Variants in CDS2 observed in about 807,000 individuals in gnomAD.
CDS2 encodes the protein phosphatidate cytidylyltransferase 2.
CDS2 carries 47 observed loss-of-function variants against 59.0 expected under a neutral mutation model. The ratio of observed to expected loss-of-function variants is 0.80; its 90% confidence interval spans 0.63 to 1.02. The LOEUF (loss-of-function observed/expected upper bound fraction) is 1.02. CDS2 is among the 50% of genes least tolerant of loss of function. The pLI is 0.00. For synonymous variants in CDS2, 207 were observed against 206.4 expected, an observed-to-expected ratio of 1.00 and a Z score of -0.02; for missense variants, 356 against 558.9, an observed-to-expected ratio of 0.64 and a Z score of 3.66.
At chr20:5,132,389 C>A (rs112218735) in intron 1 of CDS2, among the ~76,000 whole-genome samples, 1 of 152,188 alleles carries the variant, frequency 6.6e-6, no homozygotes, top group African/African-American at 2.4e-5. Flanking sequence ...TGAGCCACCG[C>A]GCCCGGCCTC....
rs1188513988 is a variant in CDS2, at chr20:5,195,036, A to G, written c.*4802A>G. The G allele has an allele frequency of 6.6e-6, 1 of 152,192 alleles. No homozygotes were observed. Among genetic ancestry groups the G allele is most frequent in the Non-Finnish European group, 1.5e-5 (1 of 68,044 alleles). 9.4% of individuals were successfully genotyped at this position (152,192 alleles called of 1,614,324 possible). The stretch of plus-strand genomic sequence containing the variant: ...GTGGTTAAGACAGACTTTGGGATCA[A>G]ATCACCCTAGGTGCGGGCAGGTTTC... On this transcript the variant is annotated 3_prime_UTR_variant, in exon 13 of 13. Coordinates refer to ENST00000460006, the MANE Select transcript of CDS2 (RefSeq NM_003818.4).
intron 1 of CDS2, among the ~76,000 whole-genome samples, chr20:5,168,153 G>A (rs1321326359): frequency 2.0e-5 from 3 of 152,036 alleles, no homozygotes; most frequent in Admixed American, 1.3e-4. Flanking sequence ...GGTAGCTCAC[G>A]CCTGTATTCC....
chr20:5,192,520 T>C lies in CDS2; in HGVS notation c.*2286T>C, dbSNP rs1212888764. 6.6e-6 allele frequency: 1 copy of C among 152,322 alleles called. No homozygotes were observed. The highest frequency in any genetic ancestry group is 1.5e-5 in the Non-Finnish European group (1 of 68,128). 9.4% of individuals were successfully genotyped at this position (152,322 alleles called of 1,614,324 possible). A position where few individuals can be genotyped will look rare whatever the true frequency, so the allele number is the denominator to read the frequency against. On this transcript the variant is annotated 3_prime_UTR_variant, in exon 13 of 13. Coordinates refer to ENST00000460006, the MANE Select transcript of CDS2 (RefSeq NM_003818.4). ...AGAGCACTGCCACCTTGTGTCCATA[T>C]AGCACAATGTTTCTCTTTCCTATTC...
intron 1 of CDS2, among the ~76,000 whole-genome samples, chr20:5,144,760 T>C (rs76838340): frequency 6.6e-6 from 1 of 152,218 alleles, no homozygotes; most frequent in East Asian, 1.9e-4. Flanking sequence ...TCTGTGAAGT[T>C]TGTGTATTAA....
Position 5,127,040 on chromosome 20 carries a change from G to C in CDS2, c.-53G>C, listed in dbSNP as rs1056851262. The C allele has an allele frequency of 1.4e-6, 2 of 1,472,442 alleles. No homozygotes were observed. Among genetic ancestry groups the C allele is most frequent in the South Asian group, 1.3e-5 (1 of 77,214 alleles). The allele number at this position is 1,472,442 out of a possible 1,614,324, so 91.2% of individuals were successfully genotyped here. A position where few individuals can be genotyped will look rare whatever the true frequency, so the allele number is the denominator to read the frequency against. ...CGCGCGTGCCCGCGCCGAGCTGCCTGCTCCGGCGGCTTCGCTGCTAGCTCG... is the reference window on the plus strand; with the variant it reads ...CGCGCGTGCCCGCGCCGAGCTGCCTCCTCCGGCGGCTTCGCTGCTAGCTCG... On this transcript the variant is annotated 5_prime_UTR_variant, in exon 1 of 13. Coordinates refer to ENST00000460006, the MANE Select transcript of CDS2 (RefSeq NM_003818.4).
chr20:5,138,538 T>C (rs2090666668), intron 1 of CDS2, among the ~76,000 whole-genome samples: 1 of 151,868 alleles, frequency 6.6e-6, no homozygotes, highest in Admixed American at 6.6e-5. Context: ...CAGGCTGGAG[T>C]GCAATGGCGC....
At chr20:5,141,914 A>C (rs2090697525) in intron 1 of CDS2, among the ~76,000 whole-genome samples, 1 of 152,220 alleles carries the variant, frequency 6.6e-6, no homozygotes, top group Non-Finnish European at 1.5e-5. Context: ...ACAGAGGGAA[A>C]AAAAACGAGT....
At chr20:5,137,184 C>G (rs1235135773) in intron 1 of CDS2, among the ~76,000 whole-genome samples, 1 of 151,300 alleles carries the variant, frequency 6.6e-6, no homozygotes, top group Admixed American at 6.6e-5. Flanking sequence ...TGTCATGGAT[C>G]TTGATTCTTG....
chr20:5,152,527 A>C (rs1488921342), intron 1 of CDS2, among the ~76,000 whole-genome samples: 1 of 152,148 alleles, frequency 6.6e-6, no homozygotes, highest in Non-Finnish European at 1.5e-5. Context: ...GGATCACTTG[A>C]GATCAGGAGT....
At chr20:5,153,971 G>A (rs2090812744) in intron 1 of CDS2, among the ~76,000 whole-genome samples, 3 of 152,160 alleles carry the variant, frequency 2.0e-5, no homozygotes, top group Admixed American at 2.0e-4. Flanking sequence ...ATGCAGGTAT[G>A]ACAAATGATG....
chr20:5,171,555 C>T (rs1318512035), intron 1 of CDS2, among the ~76,000 whole-genome samples: 5 of 152,082 alleles, frequency 3.3e-5, no homozygotes, highest in South Asian at 2.1e-4. Context: ...TGGTGGTTGC[C>T]GATGGTGTGT....
rs188900442 is a variant in CDS2, at chr20:5,160,787, A to G, written c.58-12736A>G. 7.9e-5 allele frequency among the ~76,000 whole-genome samples: 12 copies of G among 152,186 alleles called. No homozygotes were observed. In the East Asian group the frequency reaches 2.1e-3, roughly 27 times the overall value. On this transcript the variant is annotated intron_variant, in intron 1 of 12. Transcript: ENST00000460006. ...CGAATTTGACTACTCTAGGTACCTC[A>G]TGTAAGTGGAATCATATATTTGTCC... is the stretch of plus-strand genomic sequence containing the variant.
chr20:5,134,650 A>C (rs918430227), intron 1 of CDS2, among the ~76,000 whole-genome samples: 5 of 151,900 alleles, frequency 3.3e-5, no homozygotes, highest in Admixed American at 3.3e-4. Context: ...CCTCCCGAGT[A>C]GCTGGGATTA....
rs140235501 is a variant in CDS2, at chr20:5,179,043, A to G, written c.529+87A>G. The G allele has an allele frequency of 6.3e-5, 84 of 1,338,850 alleles. No individual in the cohort carries two copies. The African/African-American group carries it at 1.1e-3, about 18-fold the overall frequency. The allele number at this position is 1,338,850 out of a possible 1,614,324, so 82.9% of individuals were successfully genotyped here. On this transcript the variant is annotated intron_variant, in intron 5 of 12. Coordinates refer to ENST00000460006, the MANE Select transcript of CDS2 (RefSeq NM_003818.4). ...GGAATTGGGGAATTTCTTGGTTAGT[A>G]TACAGTTTTGTGACATTAACTGTGA...
intron 1 of CDS2, among the ~76,000 whole-genome samples, chr20:5,130,566 CAG>C (rs2090596615): frequency 6.9e-6 from 1 of 144,850 alleles, no homozygotes; most frequent in African/African-American, 2.6e-5. Flanking sequence ...CACCTGAGGT[CAG>C]GAGTTCGAGA....
intron 1 of CDS2, among the ~76,000 whole-genome samples, chr20:5,139,309 C>T (rs2122964782): frequency 6.6e-6 from 1 of 152,236 alleles, no homozygotes; most frequent in East Asian, 1.9e-4. Flanking sequence ...TGTAAGTGAG[C>T]CGAGATCATG....
At chr20:5,188,248 A>G (rs560939475) in intron 10 of CDS2, among the ~76,000 whole-genome samples, 5 of 152,322 alleles carry the variant, frequency 3.3e-5, no homozygotes, top group Middle Eastern at 6.8e-3. Flanking sequence ...AGATAGACCA[A>G]TGGATTTTAA....
intron 1 of CDS2, among the ~76,000 whole-genome samples, chr20:5,134,353 G>A (rs2090631480): frequency 6.6e-6 from 1 of 152,146 alleles, no homozygotes; most frequent in African/African-American, 2.4e-5. Flanking sequence ...GTCTGCTATG[G>A]ACGGTGTCTG....
intron 8 of CDS2, among the ~76,000 whole-genome samples, 195 bp downstream of exon 8, chr20:5,185,140 G>C (rs1037100667): frequency 2.0e-5 from 3 of 152,112 alleles, no homozygotes; most frequent in Admixed American, 2.0e-4. Flanking sequence ...AAGAAAATAG[G>C]CTGGGCGTGG....
Sources: gnomAD v4.1 joint callset for allele counts (sites outside exome capture counted in the v4.1 genomes callset) on GRCh38, gnomAD v4.1.1 for gene constraint, MANE v1.5 for transcripts, NCBI Gene and HGNC (gene_info 2026-07-23, HGNC 2026-07-21) for gene names.